DAP: variants seen among roughly 807,000 people sequenced by gnomAD.
DAP encodes the protein death associated protein, also known as death-associated protein 1.
A neutral mutation model predicts 13.8 loss-of-function variants in DAP; 8 were observed. The ratio of observed to expected loss-of-function variants is 0.58; its 90% CI spans 0.34 to 1.05. The LOEUF is 1.05. Among genes scored for constraint, DAP ranks in the 50% least tolerant of loss-of-function variants. The probability of loss-of-function intolerance (pLI) is 0.03; values close to 1 mark genes in which losing one functional copy is unlikely to be tolerated. For synonymous variants in DAP, 47 were observed against 47.5 expected, an observed-to-expected ratio of 0.99 and a Z score of 0.04; for missense variants, 106 against 133.2, an observed-to-expected ratio of 0.80 and a Z score of 1.01.
chr5:10,709,137 T>A (rs1282320348), intron 2 of DAP, among the ~76,000 whole-genome samples: 1 of 152,248 alleles, frequency 6.6e-6, no homozygotes, highest in Non-Finnish European at 1.5e-5. Flanking sequence ...CATATTTCTT[T>A]GTATTTAATA....
intron 2 of DAP, among the ~76,000 whole-genome samples, chr5:10,703,433 G>A (rs1188889851): frequency 6.6e-6 from 1 of 152,096 alleles, no homozygotes. Flanking sequence ...CTCGCATGTG[G>A]GCAGGTCTTT....
chr5:10,734,385 A>G (rs1351750794), intron 2 of DAP: 1 of 152,256 alleles, frequency 6.6e-6, no homozygotes, highest in Non-Finnish European at 1.5e-5. Context: ...CTATTACCAG[A>G]AGCCACTGGC....
At chr5:10,710,367 C>A (rs1187867008) in intron 2 of DAP, among the ~76,000 whole-genome samples, 1 of 152,236 alleles carries the variant, frequency 6.6e-6, no homozygotes, top group African/African-American at 2.4e-5. Flanking sequence ...CACAGAATGG[C>A]CCTGGCAGAG....
At chr5:10,740,055 C>T (rs144293053) in intron 2 of DAP, among the ~76,000 whole-genome samples, 1,875 of 152,196 alleles carry the variant, frequency 0.012, 25 homozygotes, top group South Asian at 0.015. Flanking sequence ...TTTAAAATAA[C>T]TGTGATAAAT....
chr5:10,755,816 A>G (rs1340357087), intron 1 of DAP, among the ~76,000 whole-genome samples: 1 of 152,250 alleles, frequency 6.6e-6, no homozygotes, highest in Non-Finnish European at 1.5e-5. Context: ...AATGAAAAGG[A>G]CACTCACAAA....
At chr5:10,754,167 C>G (rs1485686495) in intron 1 of DAP, among the ~76,000 whole-genome samples, 1 of 152,172 alleles carries the variant, frequency 6.6e-6, no homozygotes, top group Non-Finnish European at 1.5e-5. Flanking sequence ...GGTGGGAACC[C>G]TAAAAAGTGG....
intron 1 of DAP, among the ~76,000 whole-genome samples, chr5:10,758,372 TGCTGTTGGCATTTGAGG>T (rs1740247798): frequency 3.6e-5 from 1 of 28,140 alleles, no homozygotes; most frequent in Non-Finnish European, 1.7e-4. Context: ...ATCTGAGGGG[TGCTGTTGGCATTTGAGG>T]GGTGCTGTTG....
Position 10,715,715 on chromosome 5 carries a change from C to CGATGCCA in DAP, c.153-32151_153-32145dup, listed in dbSNP as rs151033433. On this transcript the variant is annotated intron_variant, in intron 2 of 3. Transcript: ENST00000230895. Reference sequence around the variant, plus strand: ...TCAAGGAAAACAGGGGTGAGTCTTCCGATGCCACGGAGAGAAAGGGCAGGC... The same window carrying CGATGCCA: ...TCAAGGAAAACAGGGGTGAGTCTTCCGATGCCAGATGCCACGGAGAGAAAGGGCAGGC... Among the ~76,000 whole-genome samples the CGATGCCA allele has an allele frequency of 1.1e-3, 165 of 152,282 alleles. No homozygotes were observed. In the South Asian group the frequency reaches 0.021, roughly 20 times the overall value.
intron 2 of DAP, among the ~76,000 whole-genome samples, chr5:10,741,088 C>T (rs1198364834): frequency 2.0e-5 from 3 of 152,138 alleles, no homozygotes; most frequent in Non-Finnish European, 2.9e-5. Flanking sequence ...TGGTGGTTCA[C>T]GCCTGTAATC....
At position 10,708,279 on chromosome 5, in the gene DAP, A is replaced by G. The variant is rs1035027398; in HGVS notation, c.153-24708T>C. Among the ~76,000 whole-genome samples, 10 of 152,152 alleles carry G rather than the reference A, an allele frequency of 6.6e-5. 1 individual carries two copies. Among genetic ancestry groups the G allele is most frequent in the Admixed American group, 5.9e-4 (9 of 15,288 alleles). On this transcript the variant is annotated intron_variant, in intron 2 of 3. Coordinates refer to ENST00000230895, the MANE Select transcript of DAP (RefSeq NM_004394.3). ...CCTGGATCATTTTACATTGTGATGC[A>G]GTGGGCACAAGTGCACACACACACA...
At chr5:10,714,608 T>G (rs1382427378) in intron 2 of DAP, among the ~76,000 whole-genome samples, 1 of 152,154 alleles carries the variant, frequency 6.6e-6, no homozygotes, top group South Asian at 2.1e-4. Flanking sequence ...AGCATAGATA[T>G]GCAGATACAT....
chr5:10,728,521 T>C (rs1292916347), intron 2 of DAP, among the ~76,000 whole-genome samples: 1 of 152,242 alleles, frequency 6.6e-6, no homozygotes, highest in African/African-American at 2.4e-5. Context: ...AACGGATGTA[T>C]GGACAAGTCA....
At chr5:10,740,998 G>C (rs1249234883) in intron 2 of DAP, among the ~76,000 whole-genome samples, 3 of 152,222 alleles carry the variant, frequency 2.0e-5, no homozygotes, top group Non-Finnish European at 4.4e-5. Context: ...CTGGCATGTA[G>C]AGCTGACTGT....
intron 2 of DAP, among the ~76,000 whole-genome samples, chr5:10,733,471 C>T (rs1424745045): frequency 6.6e-6 from 1 of 152,186 alleles, no homozygotes; most frequent in Non-Finnish European, 1.5e-5. Context: ...TCTGACATCT[C>T]ACCTCTCAAG....
chr5:10,753,066 G>A (rs1243171206), intron 1 of DAP, among the ~76,000 whole-genome samples: 1 of 152,186 alleles, frequency 6.6e-6, no homozygotes, highest in Non-Finnish European at 1.5e-5. Context: ...CCATCGTGGT[G>A]CTGACCACCA....
intron 2 of DAP, among the ~76,000 whole-genome samples, chr5:10,712,320 A>C: frequency 6.7e-6 from 1 of 149,846 alleles, no homozygotes; most frequent in African/African-American, 2.5e-5. Flanking sequence ...TTGTTAAGGC[A>C]ACCCTAGCAA....
intron 2 of DAP, among the ~76,000 whole-genome samples, chr5:10,735,395 C>T (rs547602184): frequency 3.9e-4 from 59 of 152,238 alleles, no homozygotes; most frequent in African/African-American, 1.3e-3. Flanking sequence ...GAATCATTAA[C>T]GAGAAATCCC....
chr5:10,730,606 C>T (rs1481864345), intron 2 of DAP, among the ~76,000 whole-genome samples: 4 of 132,766 alleles, frequency 3.0e-5, no homozygotes, highest in African/African-American at 8.6e-5. Flanking sequence ...ACTGAGAGCC[C>T]GGGTCGGGGG....
chr5:10,682,214 A>G (rs1404511959), intron 3 of DAP, among the ~76,000 whole-genome samples: 3 of 150,432 alleles, frequency 2.0e-5, no homozygotes, highest in Non-Finnish European at 4.4e-5. Context: ...TGCAGGAAGC[A>G]TGGGGTTTGT....
Sources: gnomAD v4.1 joint callset for allele counts (sites outside exome capture counted in the v4.1 genomes callset) on GRCh38, gnomAD v4.1.1 for gene constraint, MANE v1.5 for transcripts, NCBI Gene and HGNC (gene_info 2026-07-23, HGNC 2026-07-21) for gene names.